The following UBE2R2 variants were observed in gnomAD, a reference collection of about 807,000 sequenced individuals.
The protein encoded by UBE2R2 is ubiquitin conjugating enzyme E2 R2, also known as ubiquitin-conjugating enzyme E2 R2.
In UBE2R2, 1 loss-of-function variant was observed where a neutral mutation model predicts 27.8. The observed-to-expected ratio is 0.04, with a 90% CI of 0.01 to 0.17. The LOEUF is 0.17. UBE2R2 is among the 10% of genes least tolerant of loss of function. The pLI, the probability that UBE2R2 is intolerant of heterozygous loss-of-function variation, is 1.00. For synonymous variants in UBE2R2, 106 were observed against 113.3 expected (o/e 0.94, Z 0.41); for missense variants, 100 against 291.0 (o/e 0.34, Z 4.78).
At chr9:33,864,002 T>C (rs930276659) in intron 1 of UBE2R2, among the ~76,000 whole-genome samples, 10 of 152,130 alleles carry the variant, frequency 6.6e-5, no homozygotes, top group Admixed American at 5.2e-4. Context: ...TTTGTGTTTT[T>C]AGTAAAGATG....
At chr9:33,884,003 A>G (rs913860236) in intron 1 of UBE2R2, among the ~76,000 whole-genome samples, 12 of 151,908 alleles carry the variant, frequency 7.9e-5, no homozygotes, top group Admixed American at 6.6e-4. Context: ...CAGCCCCACA[A>G]AAAAATTAGC....
intron 1 of UBE2R2, among the ~76,000 whole-genome samples, chr9:33,851,886 GTAT>G (rs1389968305): frequency 2.6e-5 from 4 of 152,022 alleles, no homozygotes; most frequent in African/African-American, 4.8e-5. Flanking sequence ...GGCATAAATA[GTAT>G]TATTTTAATA....
chr9:33,828,156 GC>G (rs1405007273), intron 1 of UBE2R2, among the ~76,000 whole-genome samples: 9 of 151,496 alleles, frequency 5.9e-5, no homozygotes, highest in Non-Finnish European at 8.8e-5. Flanking sequence ...TACAAAATTA[GC>G]TGGTTGTGGT....
chr9:33,818,216 C>T (rs1480751308), intron 1 of UBE2R2, among the ~76,000 whole-genome samples: 2 of 152,078 alleles, frequency 1.3e-5, no homozygotes, highest in Non-Finnish European at 2.9e-5. Context: ...CGGAGGAGGC[C>T]GCCTTTGTTT....
Position 33,901,201 on chromosome 9 carries a change from C to A in UBE2R2, c.362+930C>A, listed in dbSNP as rs1222212803. On this transcript the variant is annotated intron_variant, in intron 3 of 4. Transcript: ENST00000263228. ...ACTGATCAGGTATTTTGTGCAATGT[C>A]CCCCAGTTGAGATTTTTCTTATGTG... Among the ~76,000 whole-genome samples, 3 of 152,032 alleles carry A rather than the reference C, an allele frequency of 2.0e-5. No individual in the cohort carries two copies. In the South Asian group the frequency reaches 6.2e-4, roughly 32 times the overall value.
chr9:33,817,769 G>C lies in UBE2R2; in HGVS notation c.12G>C (p.Gln4His). 6.3e-7 allele frequency: 1 copy of C among 1,585,184 alleles called. No individual in the cohort carries two copies. Among genetic ancestry groups the C allele is most frequent in the African/African-American group, 1.4e-5 (1 of 73,240 alleles). ...CCGCCGCCGCCGCGATGGCCCAGCA[G>C]CAGATGACCAGCTCGCAGAAGGCCC... MAQ[Q>H]QMTSSQKALM... The change falls in exon 1 of 5, where the codon CAG (glutamine) becomes CAC (histidine). Residue 4 changes from glutamine to histidine, a missense_variant. By Grantham distance (24) the Gln-to-His change is conservative. Coordinates refer to ENST00000263228, the MANE Select transcript of UBE2R2 (RefSeq NM_017811.4).
At chr9:33,848,099 A>G (rs1367925200) in intron 1 of UBE2R2, among the ~76,000 whole-genome samples, 1 of 152,104 alleles carries the variant, frequency 6.6e-6, no homozygotes, top group Non-Finnish European at 1.5e-5. Context: ...TATACTGTCT[A>G]TCCAATGAGT....
At chr9:33,880,113 T>G (rs1292596477) in intron 1 of UBE2R2, among the ~76,000 whole-genome samples, 2 of 151,968 alleles carry the variant, frequency 1.3e-5, no homozygotes, top group African/African-American at 4.8e-5. Context: ...CTCCAACTCC[T>G]GCGCTCAAGG....
intron 1 of UBE2R2, among the ~76,000 whole-genome samples, chr9:33,855,592 A>G (rs2130759610): frequency 6.6e-6 from 1 of 152,358 alleles, no homozygotes; most frequent in South Asian, 2.1e-4. Context: ...ACACAAAATC[A>G]GCATTGATCA....
intron 3 of UBE2R2, among the ~76,000 whole-genome samples, chr9:33,907,571 G>A (rs888032921): frequency 1.3e-4 from 20 of 151,892 alleles, no homozygotes; most frequent in African/African-American, 4.8e-4. Flanking sequence ...GATCAGATCT[G>A]TTCCTCTAGA....
At chr9:33,897,023 A>ATTTT (rs1434314063) in intron 2 of UBE2R2, among the ~76,000 whole-genome samples, 1 of 77,066 alleles carries the variant, frequency 1.3e-5, no homozygotes. Flanking sequence ...TCTGTGGCCT[A>ATTTT]ATTTTTTTTT....
intron 1 of UBE2R2, among the ~76,000 whole-genome samples, chr9:33,845,475 C>T (rs1384470154): frequency 6.6e-6 from 1 of 151,716 alleles, no homozygotes; most frequent in East Asian, 2.0e-4. Flanking sequence ...ATCTTGATCT[C>T]CTGACCTCGT....
At chr9:33,837,796 T>C (rs1820647212) in intron 1 of UBE2R2, among the ~76,000 whole-genome samples, 1 of 152,062 alleles carries the variant, frequency 6.6e-6, no homozygotes, top group African/African-American at 2.4e-5. Context: ...CAAGCATTCC[T>C]CCTACAGTGT....
chr9:33,832,942 G>T (rs1414595206), intron 1 of UBE2R2, among the ~76,000 whole-genome samples: 1 of 152,126 alleles, frequency 6.6e-6, no homozygotes, highest in African/African-American at 2.4e-5. Context: ...TTGTCTATGT[G>T]AGAAGAAAAT....
rs577623879 is a variant in UBE2R2, at chr9:33,897,067, C to T, written c.265-3107C>T. ...TTTTTTTTTTTTTGAGACGGAGTCT[C>T]GCTCTGTTGCCCAGGCTGGAGTGCA... On this transcript the variant is annotated intron_variant, in intron 2 of 4. Transcript: ENST00000263228. 3.2e-4 allele frequency among the ~76,000 whole-genome samples: 34 copies of T among 104,766 alleles called. No homozygotes were observed. In the East Asian group the frequency reaches 7.9e-3, roughly 24 times the overall value. The allele number at this position is 104,766 out of a possible 152,430, so 68.7% of individuals were successfully genotyped here. A position where few individuals can be genotyped will look rare whatever the true frequency, so the allele number is the denominator to read the frequency against.
At chr9:33,915,794 C>A (rs920665540) in intron 4 of UBE2R2, among the ~76,000 whole-genome samples, 2 of 152,022 alleles carry the variant, frequency 1.3e-5, no homozygotes, top group East Asian at 1.9e-4. Context: ...GCAAAAAATA[C>A]TAGATAGTGC....
chr9:33,868,889 G>A (rs1195964372), intron 1 of UBE2R2, among the ~76,000 whole-genome samples: 1 of 152,130 alleles, frequency 6.6e-6, no homozygotes, highest in Admixed American at 6.5e-5. Flanking sequence ...ATTGTATTTA[G>A]GACTAGGAAA....
chr9:33,824,651 A>C (rs967635535), intron 1 of UBE2R2, among the ~76,000 whole-genome samples: 4 of 151,572 alleles, frequency 2.6e-5, no homozygotes, highest in Admixed American at 6.6e-5. Flanking sequence ...AAAAAAAAAA[A>C]AAATTAGCGG....
chr9:33,873,950 ATTTTTT>A (rs11321860), intron 1 of UBE2R2, among the ~76,000 whole-genome samples: 127 of 144,048 alleles, frequency 8.8e-4, no homozygotes, highest in African/African-American at 2.6e-3. Flanking sequence ...CCTGGCCTAA[ATTTTTT>A]TTTTTTTTTT....
Sources: gnomAD v4.1 joint callset for allele counts (sites outside exome capture counted in the v4.1 genomes callset) on GRCh38, gnomAD v4.1.1 for gene constraint, MANE v1.5 for transcripts, NCBI Gene and HGNC (gene_info 2026-07-23, HGNC 2026-07-21) for gene names.